The following MYO3A variants were observed in gnomAD, a reference collection of about 807,000 sequenced individuals.
MYO3A encodes the protein myosin-IIIa.
A neutral mutation model predicts 192.7 loss-of-function variants in MYO3A; 180 were observed. The ratio of observed to expected loss-of-function variants is 0.93; its 90% CI spans 0.83 to 1.06. MYO3A has a LOEUF of 1.06. Among genes scored for constraint, MYO3A ranks in the 50% least tolerant of loss-of-function variants. The pLI, the probability that MYO3A is intolerant of heterozygous loss-of-function variation, is 0.00. For synonymous variants in MYO3A, 628 were observed against 645.3 expected (o/e 0.97, Z 0.41); for missense variants, 1,896 against 1,905.0 (o/e 1.00, Z 0.09).
chr10:25,975,079 G>C (rs1310230390), intron 4 of MYO3A, among the ~76,000 whole-genome samples: 4 of 152,174 alleles, frequency 2.6e-5, no homozygotes, highest in Non-Finnish European at 5.9e-5. Context: ...GAATGAGTTG[G>C]CTAAGTATAC....
intron 17 of MYO3A, among the ~76,000 whole-genome samples, chr10:26,099,958 A>G (rs1023968921): frequency 7.2e-5 from 11 of 152,042 alleles, no homozygotes; most frequent in African/African-American, 2.4e-4. Context: ...CTCTTTTTCT[A>G]TTGATAGGAA....
At chr10:26,187,404 G>C (rs115549293) in intron 31 of MYO3A, among the ~76,000 whole-genome samples, 8,989 of 152,200 alleles carry the variant, frequency 0.059, 344 homozygotes, top group Non-Finnish European at 0.085. Flanking sequence ...AGATCAAGGT[G>C]TCAGCAAGGT....
chr10:26,127,430 C>T (rs934718703), intron 19 of MYO3A, among the ~76,000 whole-genome samples: 6 of 152,138 alleles, frequency 3.9e-5, no homozygotes, highest in African/African-American at 1.4e-4. Flanking sequence ...TACAATAATA[C>T]AGAATTATTA....
intron 10 of MYO3A, among the ~76,000 whole-genome samples, chr10:26,035,085 G>A (rs950566442): frequency 2.0e-5 from 3 of 152,110 alleles, no homozygotes; most frequent in Admixed American, 2.0e-4. Flanking sequence ...TATACTGGTA[G>A]CTGTGTCCAT....
intron 7 of MYO3A, among the ~76,000 whole-genome samples, chr10:26,018,591 G>A (rs987751155): frequency 2.0e-5 from 3 of 152,148 alleles, no homozygotes; most frequent in Non-Finnish European, 4.4e-5. Flanking sequence ...TATATCAAAA[G>A]TAGCATTTGC....
At chr10:26,072,635 G>T (rs754841317) in intron 14 of MYO3A, among the ~76,000 whole-genome samples, 1 of 151,756 alleles carries the variant, frequency 6.6e-6, no homozygotes, top group Non-Finnish European at 1.5e-5. Context: ...CATCAGGAGG[G>T]AACTCAGATA....
intron 14 of MYO3A, among the ~76,000 whole-genome samples, chr10:26,083,140 G>A (rs914638413): frequency 6.6e-6 from 1 of 152,106 alleles, no homozygotes; most frequent in Admixed American, 6.5e-5. Flanking sequence ...TTGTCAGCAT[G>A]ACTACTCTTG....
chr10:26,080,583 A>T (rs1180813558), intron 14 of MYO3A, among the ~76,000 whole-genome samples: 2 of 31,358 alleles, frequency 6.4e-5, no homozygotes, highest in Non-Finnish European at 5.5e-5. Flanking sequence ...AACTAGTGTA[A>T]TTTTTTTGGG....
chr10:26,067,350 G>T (rs544294373), intron 11 of MYO3A, among the ~76,000 whole-genome samples: 67 of 152,272 alleles, frequency 4.4e-4, no homozygotes, highest in African/African-American at 1.6e-3. Context: ...TCAACTGATA[G>T]GGGTGAGGTC....
chr10:26,078,373 T>G (rs1322393617), intron 14 of MYO3A, among the ~76,000 whole-genome samples: 1 of 152,066 alleles, frequency 6.6e-6, no homozygotes, highest in Non-Finnish European at 1.5e-5. Flanking sequence ...TTAATGAGGT[T>G]ATTTGAATTT....
chr10:26,094,017 TCTTC>T (rs2131545285), intron 15 of MYO3A, among the ~76,000 whole-genome samples: 1 of 152,344 alleles, frequency 6.6e-6, no homozygotes, highest in Admixed American at 6.5e-5. Flanking sequence ...TTTAGAAATG[TCTTC>T]CTTCCTTTTG....
chr10:26,180,834 A>G (rs1842589067), intron 31 of MYO3A, among the ~76,000 whole-genome samples: 1 of 152,132 alleles, frequency 6.6e-6, no homozygotes, highest in African/African-American at 2.4e-5. Flanking sequence ...AAATACGGTA[A>G]ACATGACCAT....
intron 6 of MYO3A, among the ~76,000 whole-genome samples, chr10:26,009,550 TC>T (rs2130994167): frequency 1.3e-5 from 2 of 152,262 alleles, no homozygotes; most frequent in Non-Finnish European, 2.9e-5. Flanking sequence ...TTCTCCCTAC[TC>T]CTCAGGTGCG....
chr10:26,123,844 T>G (rs1258671606), intron 18 of MYO3A, among the ~76,000 whole-genome samples: 2 of 152,126 alleles, frequency 1.3e-5, no homozygotes, highest in African/African-American at 2.4e-5. Flanking sequence ...GAGAATGGCG[T>G]GAACCCAGGA....
chr10:25,979,061 G>A (rs1839137600), intron 4 of MYO3A, among the ~76,000 whole-genome samples: 1 of 152,084 alleles, frequency 6.6e-6, no homozygotes. Context: ...TAGAGAATTG[G>A]TATTCATGTC....
At chr10:26,075,031 T>A (rs2131415662) in intron 14 of MYO3A, among the ~76,000 whole-genome samples, 1 of 152,214 alleles carries the variant, frequency 6.6e-6, no homozygotes, top group East Asian at 1.9e-4. Context: ...AGTGCCCCTG[T>A]CAAAAATCAG....
At chr10:26,119,010 C>G (rs1220629494) in intron 17 of MYO3A, among the ~76,000 whole-genome samples, 2 of 152,134 alleles carry the variant, frequency 1.3e-5, no homozygotes, top group Non-Finnish European at 2.9e-5. Flanking sequence ...TGCACTGTTC[C>G]TCCTCATCCT....
intron 27 of MYO3A, among the ~76,000 whole-genome samples, chr10:26,168,334 GA>G (rs1353662029): frequency 2.0e-5 from 3 of 148,124 alleles, no homozygotes; most frequent in Non-Finnish European, 4.5e-5. Flanking sequence ...GATCTATTCA[GA>G]TTTTTTTAAT....
intron 15 of MYO3A, among the ~76,000 whole-genome samples, chr10:26,093,230 G>C (rs1282895807): frequency 6.6e-6 from 1 of 152,134 alleles, no homozygotes. Flanking sequence ...CACTGTATTA[G>C]TTAATGTTAA....
Sources: allele counts gnomAD v4.1 joint callset (sites outside exome capture counted in the v4.1 genomes callset), GRCh38; gene constraint gnomAD v4.1.1; transcripts MANE v1.5; gene names NCBI Gene and HGNC (gene_info 2026-07-23, HGNC 2026-07-21).